The following TMC5 variants were observed in gnomAD, a reference collection of about 807,000 sequenced individuals.
TMC5 encodes the protein transmembrane channel like 5, also known as transmembrane channel-like protein 5.
In TMC5, 86 loss-of-function variants were observed where a neutral mutation model predicts 110.5. That is an observed-to-expected ratio of 0.78 (90% CI 0.65 to 0.93). TMC5 has a LOEUF of 0.93. Among genes scored for constraint, TMC5 ranks in the 40% least tolerant of loss-of-function variants. The pLI is 0.00. For missense variants in TMC5, 1,144 were observed against 1,222.8 expected, an observed-to-expected ratio of 0.94 and a Z score of 0.96; for synonymous variants, 455 against 439.5, an observed-to-expected ratio of 1.04 and a Z score of -0.44.
intron 3 of TMC5, among the ~76,000 whole-genome samples, chr16:19,443,249 T>C (rs1448934227): frequency 6.6e-6 from 1 of 152,204 alleles, no homozygotes; most frequent in Non-Finnish European, 1.5e-5. Flanking sequence ...TGGGAAGTGG[T>C]ATATGTAGTA....
chr16:19,492,915 G>GAGATATATATATATATATATAT (rs1555486833), intron 19 of TMC5, among the ~76,000 whole-genome samples: 40 of 42,764 alleles, frequency 9.4e-4, no homozygotes, highest in Non-Finnish European at 2.3e-3. Context: ...TTAAAACTTA[G>GAGATATATATATATATATATAT]ATATATATAT....
At chr16:19,438,460 A>AGAAAGAAAGAAAGAAAGAAAGAAG (rs1567302363) in intron 2 of TMC5, among the ~76,000 whole-genome samples, 1 of 150,468 alleles carries the variant, frequency 6.6e-6, no homozygotes, top group Non-Finnish European at 1.5e-5. Context: ...AAAGAAAGAA[A>AGAAAGAAAGAAAGAAAGAAAGAAG]ACTCAACCAA....
At chr16:19,465,044 T>C (rs1567314599) in intron 8 of TMC5, among the ~76,000 whole-genome samples, 2 of 102,600 alleles carry the variant, frequency 1.9e-5, no homozygotes, top group African/African-American at 9.9e-5. Flanking sequence ...TCTTTCTTTC[T>C]TTCTTTCTTT....
At chr16:19,437,447 A>G (rs999911243) in intron 2 of TMC5, among the ~76,000 whole-genome samples, 1 of 152,224 alleles carries the variant, frequency 6.6e-6, no homozygotes, top group South Asian at 2.1e-4. Context: ...GCAGGGACAC[A>G]ATAATGAAAC....
chr16:19,451,133 C>T (rs1967740148), intron 5 of TMC5, among the ~76,000 whole-genome samples: 1 of 152,080 alleles, frequency 6.6e-6, no homozygotes, highest in South Asian at 2.1e-4. Context: ...GACCCTGTCT[C>T]AAAATCAAAC....
At chr16:19,444,036 T>TA in intron 3 of TMC5, 45 bp from the exon 4 acceptor site, 1 of 1,547,406 alleles carries the variant, frequency 6.5e-7, no homozygotes, top group African/African-American at 1.6e-5. Context: ...TGACAATCCT[T>TA]ACTATACTCT....
Position 19,477,527 on chromosome 16 carries a change from C to A in TMC5, c.2169+9C>A. The A allele has an allele frequency of 1.9e-6, 3 of 1,585,022 alleles. No homozygotes were observed. The highest frequency in any genetic ancestry group is 1.7e-4 in the Middle Eastern group (1 of 5,952). Reference sequence around the variant, plus strand: ...CCCTGTCTGGTGAAGAGGTGAGATTCTATGCTTCTCTGCCTTAAGTTTGGT... The same window carrying A: ...CCCTGTCTGGTGAAGAGGTGAGATTATATGCTTCTCTGCCTTAAGTTTGGT... On this transcript the variant is annotated intron_variant, in intron 13 of 21. Transcript: ENST00000542583.
chr16:19,464,345 G>C (rs1968103067), intron 8 of TMC5, among the ~76,000 whole-genome samples: 1 of 152,108 alleles, frequency 6.6e-6, no homozygotes, highest in South Asian at 2.1e-4. Context: ...GATTGCTTGA[G>C]CCCAGGAGGC....
intron 6 of TMC5, 95 bp downstream of exon 6, chr16:19,460,429 A>G: frequency 2.5e-6 from 2 of 810,998 alleles, no homozygotes; most frequent in Non-Finnish European, 3.9e-6. Context: ...ATAAATAAGC[A>G]CAATAGAAGA....
intron 14 of TMC5, among the ~76,000 whole-genome samples, chr16:19,479,932 CAAAA>C (rs34291127): frequency 2.1e-5 from 2 of 95,750 alleles, no homozygotes; most frequent in Admixed American, 1.1e-4. Flanking sequence ...TGTCTCTATC[CAAAA>C]AAAAAAAAAA....
At chr16:19,494,426 CG>C (rs1968996659) in intron 20 of TMC5, 60 bp downstream of exon 20, 1 of 1,233,556 alleles carries the variant, frequency 8.1e-7, no homozygotes, top group African/African-American at 1.5e-5. Context: ...ATGTAAAAAG[CG>C]CGTCAGAGAA....
chr16:19,469,543 C>G, intron 9 of TMC5, 138 bp from the exon 10 acceptor site: 1 of 1,046,280 alleles, frequency 9.6e-7, no homozygotes, highest in East Asian at 2.5e-5. Flanking sequence ...GTGACCACAC[C>G]GCTCCAGGCC....
chr16:19,462,302 T>C lies in TMC5; in HGVS notation c.1149-978T>C, dbSNP rs114899487. Among the ~76,000 whole-genome samples, 7 of 152,304 alleles carry C rather than the reference T, an allele frequency of 4.6e-5. No individual in the cohort carries two copies. In the South Asian group the frequency reaches 6.2e-4, roughly 14 times the overall value. On this transcript the variant is annotated intron_variant, in intron 6 of 21. Transcript: ENST00000542583. ...TGTAGCAGCATCTCTGATCTCTATG[T>C]ACTTGATGCCAATATCACCCCCTCT...
chr16:19,447,791 C>T (rs1967646610), intron 4 of TMC5, among the ~76,000 whole-genome samples: 1 of 151,850 alleles, frequency 6.6e-6, no homozygotes, highest in Admixed American at 6.6e-5. Context: ...TGTGCTCAAG[C>T]GACTGTCCCA....
intron 10 of TMC5, among the ~76,000 whole-genome samples, chr16:19,471,262 T>A (rs1476497561): frequency 6.6e-6 from 1 of 152,102 alleles, no homozygotes; most frequent in Non-Finnish European, 1.5e-5. Flanking sequence ...AACTAATTTT[T>A]AAATTTTTTG....
In TMC5 at chr16:19,466,163, A is replaced by AT; in HGVS notation, c.1567_1568insT (p.Asn523IlefsTer35). On this transcript the variant is annotated frameshift_variant, in exon 9 of 22. Transcript: ENST00000542583. LOFTEE classifies it high-confidence loss of function. ...GCACGGGAACAGCGGGGCATCCTACAACATGCAGCTGGCCTACATCTTCAC... is the reference window on the plus strand; with the variant it reads ...GCACGGGAACAGCGGGGCATCCTACATACATGCAGCTGGCCTACATCTTCAC... 1 of 1,614,130 alleles carries AT rather than the reference A, an allele frequency of 6.2e-7. No homozygotes were observed. Among genetic ancestry groups the AT allele is most frequent in the Non-Finnish European group, 8.5e-7 (1 of 1,180,016 alleles).
In TMC5 at chr16:19,449,524, C is replaced by G. The variant is rs1597179992; in HGVS notation, c.959-18C>G. The G allele has an allele frequency of 3.1e-6, 5 of 1,609,646 alleles. No individual in the cohort carries two copies. In the African/African-American group the frequency reaches 5.3e-5, roughly 17 times the overall value. ...GTGGTGAGACTAATCGGCAATATCT[C>G]CTTCCTCTTCCCTCCAGTGAACCCT... On this transcript the variant is annotated intron_variant, in intron 4 of 21. Coordinates refer to ENST00000542583, the MANE Select transcript of TMC5 (RefSeq NM_001261841.2).
At chr16:19,427,745 T>G (rs1176487279) in intron 1 of TMC5, among the ~76,000 whole-genome samples, 1 of 151,820 alleles carries the variant, frequency 6.6e-6, no homozygotes, top group Non-Finnish European at 1.5e-5. Flanking sequence ...TCACACCCCC[T>G]GCTACAGTTG....
At chr16:19,474,365 A>T in intron 12 of TMC5, 89 bp downstream of exon 12, 1 of 1,444,614 alleles carries the variant, frequency 6.9e-7, no homozygotes, top group Non-Finnish European at 9.4e-7. Flanking sequence ...TTAGTATCAA[A>T]GTTTTTTCTC....
Sources: gnomAD v4.1 joint callset for allele counts (sites outside exome capture counted in the v4.1 genomes callset) on GRCh38, gnomAD v4.1.1 for gene constraint, MANE v1.5 for transcripts, NCBI Gene and HGNC (gene_info 2026-07-23, HGNC 2026-07-21) for gene names.